Variants in CDKAL1 observed in about 807,000 individuals in gnomAD.
CDKAL1 encodes threonylcarbamoyladenosine tRNA methylthiotransferase.
Under a neutral mutation model 68.2 loss-of-function variants are expected in CDKAL1, and 32 were observed. The ratio of observed to expected loss-of-function variants is 0.47; its 90% confidence interval spans 0.35 to 0.63. CDKAL1 has a LOEUF of 0.63. Among genes scored for constraint, CDKAL1 ranks in the 30% least tolerant of loss-of-function variants. CDKAL1 has a pLI of 0.00. For missense variants in CDKAL1, 606 were observed against 696.7 expected (o/e 0.87, Z 1.47); for synonymous variants, 234 against 244.3 (o/e 0.96, Z 0.39).
At chr6:20,947,268 C>A (rs1032983073) in intron 9 of CDKAL1, among the ~76,000 whole-genome samples, 6 of 152,076 alleles carry the variant, frequency 3.9e-5, no homozygotes, top group Admixed American at 3.3e-4. Flanking sequence ...TCCCAGTAAA[C>A]CCATTGTAAG....
chr6:21,057,485 AT>A (rs529654445), intron 11 of CDKAL1, among the ~76,000 whole-genome samples: 4 of 145,608 alleles, frequency 2.7e-5, no homozygotes, highest in East Asian at 2.0e-4. Flanking sequence ...GGACTTGTTG[AT>A]TTTTTTTAAG....
At chr6:20,732,441 A>ATT (rs35633408) in intron 5 of CDKAL1, among the ~76,000 whole-genome samples, 17,992 of 118,816 alleles carry the variant, frequency 0.15, 1,367 homozygotes, top group East Asian at 0.42. Context: ...ACACCTGGCT[A>ATT]TTTTTTTTTT....
chr6:21,204,934 C>T (rs186488019), intron 15 of CDKAL1, among the ~76,000 whole-genome samples: 338 of 152,296 alleles, frequency 2.2e-3, no homozygotes, highest in Middle Eastern at 6.8e-3. Context: ...ACTCATTAAA[C>T]AATAACTCCT....
intron 9 of CDKAL1, among the ~76,000 whole-genome samples, chr6:20,913,363 G>C (rs1199296420): frequency 6.6e-6 from 1 of 152,092 alleles, no homozygotes; most frequent in East Asian, 1.9e-4. Context: ...TGAACTGTAG[G>C]GTTGAGGGCT....
chr6:20,788,824 T>A (rs1241615719), intron 8 of CDKAL1, among the ~76,000 whole-genome samples: 1 of 152,222 alleles, frequency 6.6e-6, no homozygotes, highest in Non-Finnish European at 1.5e-5. Flanking sequence ...TGCTGTTCAA[T>A]GTTGGTTCTT....
At chr6:20,769,706 T>C (rs752816770) in intron 7 of CDKAL1, among the ~76,000 whole-genome samples, 27 of 152,224 alleles carry the variant, frequency 1.8e-4, no homozygotes, top group Non-Finnish European at 2.9e-4. Context: ...ATTAGCGCTG[T>C]ATGTTTTGAT....
chr6:21,133,855 A>G (rs1397466860), intron 13 of CDKAL1, among the ~76,000 whole-genome samples: 2 of 152,224 alleles, frequency 1.3e-5, no homozygotes, highest in Non-Finnish European at 2.9e-5. Context: ...CCATGTGCAC[A>G]TTTACATGAA....
chr6:21,003,995 A>C (rs930525223), intron 11 of CDKAL1, among the ~76,000 whole-genome samples: 1 of 152,208 alleles, frequency 6.6e-6, no homozygotes, highest in Non-Finnish European at 1.5e-5. Flanking sequence ...TGTGCCTTTA[A>C]CAAATAAGTC....
At chr6:20,830,565 T>C (rs1052698080) in intron 8 of CDKAL1, among the ~76,000 whole-genome samples, 1 of 152,138 alleles carries the variant, frequency 6.6e-6, no homozygotes, top group African/African-American at 2.4e-5. Context: ...TCTAAAGTAA[T>C]AAGACCACAG....
intron 5 of CDKAL1, among the ~76,000 whole-genome samples, chr6:20,725,435 A>C (rs983897117): frequency 6.6e-6 from 1 of 152,204 alleles, no homozygotes; most frequent in African/African-American, 2.4e-5. Context: ...GCGTATATGC[A>C]GTGGTCTGAC....
At chr6:20,616,845 A>ACG (rs894422084) in intron 4 of CDKAL1, among the ~76,000 whole-genome samples, 2 of 146,502 alleles carry the variant, frequency 1.4e-5, no homozygotes, top group African/African-American at 5.2e-5. Flanking sequence ...TCTACCACAC[A>ACG]CACACACACA....
intron 9 of CDKAL1, among the ~76,000 whole-genome samples, chr6:20,915,910 G>T (rs1762704074): frequency 6.6e-6 from 1 of 151,848 alleles, no homozygotes; most frequent in Admixed American, 6.6e-5. Flanking sequence ...AACTTAATTG[G>T]ATCTCAAGAT....
At chr6:21,045,084 A>G (rs201322) in intron 11 of CDKAL1, among the ~76,000 whole-genome samples, 24,666 of 152,210 alleles carry the variant, frequency 0.16, 2,209 homozygotes, top group Middle Eastern at 0.23. Flanking sequence ...TTAATACTAT[A>G]GCATTGCGGA....
intron 2 of CDKAL1, among the ~76,000 whole-genome samples, chr6:20,542,695 C>A (rs56908658): frequency 0.029 from 4,394 of 152,224 alleles, 181 homozygotes; most frequent in African/African-American, 0.096. Context: ...TAACATCTTG[C>A]AAAACTACAA....
At chr6:20,675,085 G>A (rs981980265) in intron 5 of CDKAL1, among the ~76,000 whole-genome samples, 4 of 151,182 alleles carry the variant, frequency 2.6e-5, no homozygotes, top group African/African-American at 7.3e-5. Context: ...TTTTTAAATT[G>A]TTGTATTCTT....
chr6:20,892,940 T>TGACA (rs1293838725), intron 9 of CDKAL1, among the ~76,000 whole-genome samples: 2 of 152,198 alleles, frequency 1.3e-5, no homozygotes, highest in Non-Finnish European at 2.9e-5. Context: ...CTGCTCCTAG[T>TGACA]GACAGGTTCA....
chr6:20,715,156 G>A (rs1223443797), intron 5 of CDKAL1, among the ~76,000 whole-genome samples: 3 of 152,006 alleles, frequency 2.0e-5, no homozygotes, highest in Non-Finnish European at 4.4e-5. Context: ...CTTTCAACTT[G>A]TTCATCCTGT....
intron 13 of CDKAL1, among the ~76,000 whole-genome samples, chr6:21,176,262 A>T (rs1777567877): frequency 6.6e-6 from 1 of 152,266 alleles, no homozygotes; most frequent in Non-Finnish European, 1.5e-5. Context: ...TTTTGTATGC[A>T]TGTAAGTACA....
intron 8 of CDKAL1, among the ~76,000 whole-genome samples, chr6:20,813,311 G>T (rs1047895091): frequency 6.6e-6 from 1 of 151,986 alleles, no homozygotes; most frequent in Non-Finnish European, 1.5e-5. Flanking sequence ...GGTTTGTTTG[G>T]CATACTATTT....
Sources: gnomAD v4.1 joint callset for allele counts (sites outside exome capture counted in the v4.1 genomes callset) on GRCh38, gnomAD v4.1.1 for gene constraint, MANE v1.5 for transcripts, NCBI Gene and HGNC (gene_info 2026-07-23, HGNC 2026-07-21) for gene names.